Variants in PPIL2 observed in about 807,000 individuals in gnomAD.
PPIL2 encodes RING-type E3 ubiquitin-protein ligase PPIL2.
Under a neutral mutation model 75.2 loss-of-function variants are expected in PPIL2, and 50 were observed. The observed-to-expected ratio is 0.66, with a 90% confidence interval of 0.53 to 0.84. The LOEUF (loss-of-function observed/expected upper bound fraction) is 0.84. PPIL2 is among the 40% of genes least tolerant of loss of function. The pLI is 0.00. For synonymous variants in PPIL2, 245 were observed against 258.8 expected (o/e 0.95, Z 0.51); for missense variants, 590 against 685.0 (o/e 0.86, Z 1.55).
At chr22:21,670,799 C>A in intron 3 of PPIL2, 188 bp downstream of exon 3, 2 of 831,778 alleles carry the variant, frequency 2.4e-6, no homozygotes, top group East Asian at 2.4e-5. Flanking sequence ...GTGTTGGATC[C>A]TGCTCTAGAC....
chr22:21,677,686 GGGGA>G (rs2066934012), intron 6 of PPIL2, among the ~76,000 whole-genome samples: 5 of 74,984 alleles, frequency 6.7e-5, no homozygotes, highest in Admixed American at 1.4e-4. Context: ...GGGAGACCCT[GGGGA>G]GCGGGAGCGG....
Position 21,683,229 on chromosome 22 carries a change from G to C in PPIL2, c.525G>C (p.Val175=), listed in dbSNP as rs964858349. 1.9e-6 allele frequency: 3 copies of C among 1,613,224 alleles called. No individual in the cohort carries two copies. The highest frequency in any genetic ancestry group is 2.5e-6 in the Non-Finnish European group (3 of 1,179,114). ...DKFNVSNFYH[V]KNNMKIIDPD... is the part of the protein sequence containing the mutation. ...TCAATGTCTCTAACTTCTATCATGT[G>C]AAGAATAACATGAAAATAATAGACC... is the stretch of plus-strand genomic sequence containing the variant. The change falls in exon 9 of 20, where the codon GTG becomes GTC. Residue 175 remains valine (V), a synonymous_variant. Transcript: ENST00000398831.
chr22:21,667,162 T>TTTG (rs1159469867), intron 1 of PPIL2, among the ~76,000 whole-genome samples: 1 of 149,942 alleles, frequency 6.7e-6, no homozygotes, highest in Non-Finnish European at 1.5e-5. Flanking sequence ...ATTTTTTTTT[T>TTTG]TTTTTTTTTT....
intron 15 of PPIL2, 101 bp from the exon 16 acceptor site, chr22:21,693,715 C>A: frequency 8.2e-7 from 1 of 1,214,986 alleles, no homozygotes; most frequent in South Asian, 1.2e-5. Context: ...TGCAGGTTCC[C>A]AGAGCTGGCT....
intron 1 of PPIL2, 139 bp downstream of exon 1, chr22:21,666,270 C>T (rs2066371695): frequency 9.6e-7 from 1 of 1,043,148 alleles, no homozygotes; most frequent in African/African-American, 1.6e-5. Context: ...GAAGCTGCCG[C>T]CCTGTCTCCA....
intron 10 of PPIL2, among the ~76,000 whole-genome samples, chr22:21,685,373 C>G (rs452649): frequency 0.98 from 149,334 of 152,246 alleles, 73,321 homozygotes; most frequent in African/African-American, 1. Context: ...GCGGTGCTGA[C>G]GTGGATGGCA....
chr22:21,690,812 C>T (rs1341396266), intron 15 of PPIL2, among the ~76,000 whole-genome samples: 1 of 152,126 alleles, frequency 6.6e-6, no homozygotes, highest in Non-Finnish European at 1.5e-5. Flanking sequence ...TTGCCTAGGA[C>T]TGTTGGTTAT....
chr22:21,667,570 C>T (rs545653200), intron 1 of PPIL2, among the ~76,000 whole-genome samples: 23 of 152,192 alleles, frequency 1.5e-4, no homozygotes, highest in Middle Eastern at 3.4e-3. Flanking sequence ...TGTTTTCCAT[C>T]GACTTCAGCG....
chr22:21,690,192 G>A (rs1344673544), intron 15 of PPIL2, among the ~76,000 whole-genome samples: 2 of 152,062 alleles, frequency 1.3e-5, no homozygotes, highest in Non-Finnish European at 2.9e-5. Flanking sequence ...AGAGCAGCCT[G>A]GGCAACATGG....
Position 21,697,099 on chromosome 22 carries a change from G to A in PPIL2, c.*1609G>A. The stretch of plus-strand genomic sequence containing the variant: ...TTGACGCCCTCCATCCCTCCCGCCA[G>A]GCACTGTCCTCCGCAAGGCCTGGTG... On this transcript the variant is annotated 3_prime_UTR_variant, in exon 20 of 20. Coordinates refer to ENST00000398831, the MANE Select transcript of PPIL2 (RefSeq NM_014337.4). 8.7e-7 allele frequency: 1 copy of A among 1,151,718 alleles called. No individual in the cohort carries two copies. Among genetic ancestry groups the A allele is most frequent in the South Asian group, 1.5e-5 (1 of 66,330 alleles). The allele number at this position is 1,151,718 out of a possible 1,614,324, so 71.3% of individuals were successfully genotyped here. A position where few individuals can be genotyped will look rare whatever the true frequency, so the allele number is the denominator to read the frequency against.
At chr22:21,692,154 T>TG (rs1569043868) in intron 15 of PPIL2, among the ~76,000 whole-genome samples, 2 of 150,476 alleles carry the variant, frequency 1.3e-5, no homozygotes, top group African/African-American at 2.5e-5. Context: ...ATCCTGACAG[T>TG]CTTTTTTTTT....
chr22:21,692,395 C>T lies in PPIL2; in HGVS notation c.1140-1421C>T, dbSNP rs1005076404. On this transcript the variant is annotated intron_variant, in intron 15 of 19. Coordinates refer to ENST00000398831, the MANE Select transcript of PPIL2 (RefSeq NM_014337.4). ...GGTCTCGATCTCCTGACCTTGTGAT[C>T]CGCCCACCTTGGCCTCCCAAAGTGC... 1.3e-3 allele frequency among the ~76,000 whole-genome samples: 193 copies of T among 151,634 alleles called. 2 individuals carry two copies. Among genetic ancestry groups the T allele is most frequent in the South Asian group, 1.3e-3 (6 of 4,796 alleles).
rs1161085122 is a variant in PPIL2, at chr22:21,666,043, G to T, written c.-57G>T. The stretch of plus-strand genomic sequence containing the variant: ...CACGGAACTCGGCTGCGGCTCCATG[G>T]TCTGAGTTGTCAGCCGTTGTTTTTT... On this transcript the variant is annotated 5_prime_UTR_variant, in exon 1 of 20. Coordinates refer to ENST00000398831, the MANE Select transcript of PPIL2 (RefSeq NM_014337.4). 39 of 1,597,400 alleles carry T rather than the reference G, an allele frequency of 2.4e-5. No homozygotes were observed. The highest frequency in any genetic ancestry group is 2.1e-4 in the South Asian group (19 of 89,632).
At position 21,695,995 on chromosome 22, in the gene PPIL2, C is replaced by T; in HGVS notation, c.*505C>T. On this transcript the variant is annotated 3_prime_UTR_variant, in exon 20 of 20. Coordinates refer to ENST00000398831, the MANE Select transcript of PPIL2 (RefSeq NM_014337.4). ...CACCACTACATCCAGCTGTATATGT[C>T]TGGTTTTCTTACCCCTACTTCTGTC... 1.9e-6 allele frequency: 1 copy of T among 523,442 alleles called. No individual in the cohort carries two copies. Among genetic ancestry groups the T allele is most frequent in the Non-Finnish European group, 2.5e-6 (1 of 400,964 alleles). 32.4% of individuals were successfully genotyped at this position (523,442 alleles called of 1,614,324 possible). A position where few individuals can be genotyped will look rare whatever the true frequency, so the allele number is the denominator to read the frequency against.
chr22:21,666,212 C>A, intron 1 of PPIL2, 81 bp downstream of exon 1: 1 of 1,469,422 alleles, frequency 6.8e-7, no homozygotes, highest in Non-Finnish European at 9.3e-7. Flanking sequence ...CGCTCGCCTT[C>A]CCTCTCAGCT....
chr22:21,670,204 A>G (rs373969418), intron 2 of PPIL2: 1 of 1,065,762 alleles, frequency 9.4e-7, no homozygotes. Context: ...TAAGTAAAAA[A>G]TAAATAAGTA....
At position 21,695,637 on chromosome 22, in the gene PPIL2, G is replaced by A. The variant is rs2067894750; in HGVS notation, c.*147G>A. 1 of 1,465,214 alleles carries A rather than the reference G, an allele frequency of 6.8e-7. No homozygotes were observed. The highest frequency in any genetic ancestry group is 9.0e-7 in the Non-Finnish European group (1 of 1,104,980). The allele number at this position is 1,465,214 out of a possible 1,614,324, so 90.8% of individuals were successfully genotyped here. On this transcript the variant is annotated 3_prime_UTR_variant, in exon 20 of 20. Transcript: ENST00000398831. The stretch of plus-strand genomic sequence containing the variant: ...CCTGCATCCCCTTTCCTGGCCCCTG[G>A]GAGCCCACAGCCTTCCCATCCCTTA...
chr22:21,682,986 G>A (rs910691845), intron 8 of PPIL2, among the ~76,000 whole-genome samples, 196 bp from the exon 9 acceptor site: 5 of 152,092 alleles, frequency 3.3e-5, no homozygotes, highest in East Asian at 1.9e-4. Flanking sequence ...CTGCGTCCCC[G>A]TCCCTGCCCC....
At chr22:21,688,699 G>A in intron 14 of PPIL2, 33 bp from the exon 15 acceptor site, 1 of 1,603,130 alleles carries the variant, frequency 6.2e-7, no homozygotes. Flanking sequence ...TGGGGCCCAG[G>A]CTTTCCTGCT....
Sources: allele counts gnomAD v4.1 joint callset (sites outside exome capture counted in the v4.1 genomes callset), GRCh38; gene constraint gnomAD v4.1.1; transcripts MANE v1.5; gene names NCBI Gene and HGNC (gene_info 2026-07-23, HGNC 2026-07-21).